The following MYBL2 variants were observed in gnomAD, a reference collection of about 807,000 sequenced individuals.
The protein encoded by MYBL2 is myb-related protein B.
MYBL2 carries 28 observed loss-of-function variants against 79.9 expected under a neutral mutation model. That is an observed-to-expected ratio of 0.35 (90% CI 0.26 to 0.48). MYBL2 has a LOEUF of 0.48. Ranked by LOEUF, MYBL2 falls within the 20% of genes least tolerant of loss-of-function variation. MYBL2 has a pLI of 0.99. For synonymous variants in MYBL2, 378 were observed against 361.2 expected, an observed-to-expected ratio of 1.05 and a Z score of -0.53; for missense variants, 735 against 893.9, an observed-to-expected ratio of 0.82 and a Z score of 2.27.
chr20:43,706,282 A>G (rs1309570210), intron 9 of MYBL2, among the ~76,000 whole-genome samples: 2 of 152,186 alleles, frequency 1.3e-5, no homozygotes, highest in Admixed American at 1.3e-4. Flanking sequence ...AAGAGTGGAG[A>G]CTGCATTCCT....
At chr20:43,677,102 G>T (rs1294143521) in intron 2 of MYBL2, among the ~76,000 whole-genome samples, 2 of 152,150 alleles carry the variant, frequency 1.3e-5, no homozygotes, top group Admixed American at 1.3e-4. Context: ...AATCATGAAA[G>T]ATGTTTTTCC....
At chr20:43,678,754 A>C (rs1055060522) in intron 2 of MYBL2, among the ~76,000 whole-genome samples, 1 of 146,726 alleles carries the variant, frequency 6.8e-6, no homozygotes. Flanking sequence ...GCAATTTGGG[A>C]GGCTGAGGCA....
intron 2 of MYBL2, among the ~76,000 whole-genome samples, chr20:43,674,619 C>T (rs1341255229): frequency 6.6e-6 from 1 of 152,000 alleles, no homozygotes; most frequent in East Asian, 1.9e-4. Context: ...TGGTCTCGAA[C>T]TCCTGACCTC....
At chr20:43,667,413 G>T (rs1986744649) in intron 1 of MYBL2, 110 bp downstream of exon 1, 2 of 780,178 alleles carry the variant, frequency 2.6e-6, no homozygotes, top group Non-Finnish European at 3.4e-6. Context: ...GGGTGTGTGT[G>T]TGTGTTGGGG....
intron 6 of MYBL2, among the ~76,000 whole-genome samples, chr20:43,697,559 TGA>T (rs1021554096): frequency 7.0e-6 from 1 of 143,798 alleles, no homozygotes; most frequent in Non-Finnish European, 1.5e-5. Flanking sequence ...TGCAGTGAGC[TGA>T]GAGTGTGCCT....
chr20:43,708,390 A>G (rs1987835953), intron 9 of MYBL2, among the ~76,000 whole-genome samples: 1 of 152,206 alleles, frequency 6.6e-6, no homozygotes, highest in Non-Finnish European at 1.5e-5. Flanking sequence ...GTGAGCCACA[A>G]GGCCCGGCCT....
chr20:43,688,400 C>G (rs905343378), intron 5 of MYBL2, among the ~76,000 whole-genome samples: 1 of 152,096 alleles, frequency 6.6e-6, no homozygotes, highest in South Asian at 2.1e-4. Flanking sequence ...TGGAATTTCA[C>G]CATGTTGGCC....
At position 43,716,010 on chromosome 20, in the gene MYBL2, T is replaced by C; in HGVS notation, c.2026T>C (p.Phe676Leu). Reference sequence around the variant, plus strand: ...CTGCGGGGGGACCAGGGACCAGCTTTTCATGCAGGAGAAAGCCCGGCAGCT... The same window carrying C: ...CTGCGGGGGGACCAGGGACCAGCTTCTCATGCAGGAGAAAGCCCGGCAGCT... ...VACGGTRDQL[F>L]MQEKARQLLG... is the part of the protein sequence containing the mutation. Residue 676 changes from phenylalanine to leucine, a missense_variant, in exon 14 of 14, where the codon TTC becomes CTC. Phe to Leu is a conservative substitution (Grantham distance 22). Around this residue, in one of 5 missense-constraint regions of MYBL2, gnomAD observed 204 missense variants for 202.9 expected, o/e 1.01. Transcript: ENST00000217026. 1 of 1,612,348 alleles carries C rather than the reference T, an allele frequency of 6.2e-7. No individual in the cohort carries two copies. Among genetic ancestry groups the C allele is most frequent in the Non-Finnish European group, 8.5e-7 (1 of 1,179,856 alleles).
Position 43,711,614 on chromosome 20 carries a change from G to A in MYBL2, c.1719+13G>A. 1.2e-6 allele frequency: 2 copies of A among 1,605,726 alleles called. No individual in the cohort carries two copies. Among genetic ancestry groups the A allele is most frequent in the East Asian group, 2.3e-5 (1 of 44,406 alleles). ...GAGGAAGCCTGGGGTGAGTAGGGTA[G>A]GGGTGGGAGAGCCTGGGCAGGGGGA... On this transcript the variant is annotated intron_variant, in intron 11 of 13. Coordinates refer to ENST00000217026, the MANE Select transcript of MYBL2 (RefSeq NM_002466.4).
At chr20:43,668,061 C>G (rs1016959239) in intron 1 of MYBL2, among the ~76,000 whole-genome samples, 2 of 152,092 alleles carry the variant, frequency 1.3e-5, no homozygotes, top group African/African-American at 4.8e-5. Context: ...GTCTGTGGCT[C>G]CAGATCCCTG....
In MYBL2 at chr20:43,716,314, C is replaced by T. The variant is rs113586128; in HGVS notation, c.*227C>T. On this transcript the variant is annotated 3_prime_UTR_variant, in exon 14 of 14. Transcript: ENST00000217026. ...CAACAAAGTTCCACTTCCAGGTCTG[C>T]CTGGTTCCCTCCCCAAGGCCACAGG... is the stretch of plus-strand genomic sequence containing the variant. 148 of 602,862 alleles carry T rather than the reference C, an allele frequency of 2.5e-4. No homozygotes were observed. In the African/African-American group the frequency reaches 2.6e-3, roughly 11 times the overall value. 37.3% of individuals were successfully genotyped at this position (602,862 alleles called of 1,614,324 possible).
At chr20:43,706,824 T>C (rs2145731949) in intron 9 of MYBL2, among the ~76,000 whole-genome samples, 2 of 148,832 alleles carry the variant, frequency 1.3e-5, no homozygotes, top group Middle Eastern at 6.8e-3. Context: ...CAAGCAGTTC[T>C]CCTGCCTCAG....
Position 43,691,294 on chromosome 20 carries a change from A to G in MYBL2, c.501-863A>G, listed in dbSNP as rs1264516126. 3.9e-5 allele frequency among the ~76,000 whole-genome samples: 6 copies of G among 151,912 alleles called. No homozygotes were observed. In the East Asian group the frequency reaches 9.6e-4, roughly 24 times the overall value. On this transcript the variant is annotated intron_variant, in intron 5 of 13. Transcript: ENST00000217026. ...CCAAGCACATATCTTCAGTTTTATAATTTTTAAAAAATTTAAAATTTTTTT... is the reference window on the plus strand; with the variant it reads ...CCAAGCACATATCTTCAGTTTTATAGTTTTTAAAAAATTTAAAATTTTTTT...
At chr20:43,697,863 C>T (rs1022689758) in intron 6 of MYBL2, among the ~76,000 whole-genome samples, 35 of 148,722 alleles carry the variant, frequency 2.4e-4, no homozygotes, top group Non-Finnish European at 4.1e-4. Flanking sequence ...TGCAGTGAGC[C>T]GAGATCGCGC....
intron 10 of MYBL2, 66 bp from the exon 11 acceptor site, chr20:43,711,422 C>A: frequency 7.5e-7 from 1 of 1,338,136 alleles, no homozygotes; most frequent in Non-Finnish European, 1.0e-6. Context: ...GGGTTGGTCC[C>A]ACAGTCCCAC....
At chr20:43,684,877 T>C (rs1313046370) in intron 4 of MYBL2, among the ~76,000 whole-genome samples, 1 of 149,178 alleles carries the variant, frequency 6.7e-6, no homozygotes, top group African/African-American at 2.5e-5. Flanking sequence ...CTGGGCGTGG[T>C]GGCTCACACC....
At chr20:43,674,554 ATT>A (rs547094811) in intron 2 of MYBL2, among the ~76,000 whole-genome samples, 1 of 145,574 alleles carries the variant, frequency 6.9e-6, no homozygotes, top group African/African-American at 2.5e-5. Flanking sequence ...TGCCCAGCTA[ATT>A]TTTTTTTTTT....
intron 2 of MYBL2, among the ~76,000 whole-genome samples, chr20:43,676,407 T>C (rs541715269): frequency 2.6e-5 from 4 of 152,326 alleles, no homozygotes; most frequent in South Asian, 4.1e-4. Context: ...TAGGATAATA[T>C]GTTTTGCCTG....
rs551790137 is a variant in MYBL2, at chr20:43,704,700, G to A, written c.1366-519G>A. ...TGCAAGACTCAAAACCTCTCTAAGCGTTGGTTTTCTTATCTGTAAAAGGGG... is the reference window on the plus strand; with the variant it reads ...TGCAAGACTCAAAACCTCTCTAAGCATTGGTTTTCTTATCTGTAAAAGGGG... On this transcript the variant is annotated intron_variant, in intron 8 of 13. Transcript: ENST00000217026. Among the ~76,000 whole-genome samples the A allele has an allele frequency of 3.9e-4, 60 of 152,304 alleles. 1 individual carries two copies. The highest frequency in any genetic ancestry group is 1.2e-3 in the African/African-American group (51 of 41,568).
Sources: allele counts gnomAD v4.1 joint callset (sites outside exome capture counted in the v4.1 genomes callset), GRCh38; gene constraint gnomAD v4.1.1; regional missense constraint gnomAD v4.1.1; transcripts MANE v1.5; gene names NCBI Gene and HGNC (gene_info 2026-07-23, HGNC 2026-07-21).